Variants in PRKG2 observed in about 807,000 individuals in gnomAD.
The protein encoded by PRKG2 is protein kinase cGMP-dependent 2.
PRKG2 carries 33 observed loss-of-function variants against 97.2 expected under a neutral mutation model. The observed-to-expected ratio is 0.34, with a 90% CI of 0.26 to 0.45. PRKG2 has a LOEUF of 0.45. Ranked by LOEUF, PRKG2 falls within the 20% of genes least tolerant of loss-of-function variation. The pLI is 1.00. For synonymous variants in PRKG2, 330 were observed against 321.8 expected (o/e 1.03, Z -0.27); for missense variants, 638 against 900.0 (o/e 0.71, Z 3.73).
intron 5 of PRKG2, among the ~76,000 whole-genome samples, chr4:81,168,280 T>A (rs1197549126): frequency 6.6e-6 from 1 of 151,992 alleles, no homozygotes; most frequent in African/African-American, 2.4e-5. Context: ...CTGTCTCCCC[T>A]CTCTGAAGGC....
At chr4:81,212,650 G>A (rs1029596017) in intron 1 of PRKG2, among the ~76,000 whole-genome samples, 7 of 152,050 alleles carry the variant, frequency 4.6e-5, no homozygotes, top group Non-Finnish European at 7.4e-5. Context: ...AAGAAATGAG[G>A]GACAAGAAAA....
chr4:81,195,820 C>T (rs887714941), intron 2 of PRKG2, among the ~76,000 whole-genome samples: 5 of 152,146 alleles, frequency 3.3e-5, no homozygotes, highest in African/African-American at 1.2e-4. Context: ...AATAACACTG[C>T]TATAAGCATG....
At chr4:81,186,894 G>A (rs1751931479) in intron 2 of PRKG2, among the ~76,000 whole-genome samples, 1 of 151,862 alleles carries the variant, frequency 6.6e-6, no homozygotes, top group Non-Finnish European at 1.5e-5. Flanking sequence ...ATAAATACCT[G>A]GACACATAAA....
At chr4:81,213,302 A>T (rs571183154) in intron 1 of PRKG2, among the ~76,000 whole-genome samples, 10 of 152,312 alleles carry the variant, frequency 6.6e-5, no homozygotes, top group African/African-American at 2.4e-4. Flanking sequence ...TTACCTATGA[A>T]CATATAGGTA....
intron 1 of PRKG2, among the ~76,000 whole-genome samples, chr4:81,208,712 C>T (rs533719337): frequency 6.6e-6 from 1 of 152,130 alleles, no homozygotes; most frequent in Non-Finnish European, 1.5e-5. Context: ...TAAAGATGCA[C>T]ATTATTCCTT....
At chr4:81,116,030 T>C (rs1368234235) in intron 14 of PRKG2, among the ~76,000 whole-genome samples, 1 of 152,048 alleles carries the variant, frequency 6.6e-6, no homozygotes, top group African/African-American at 2.4e-5. Flanking sequence ...TATTTGAATC[T>C]TTTTTTTAAC....
At chr4:81,101,330 T>C (rs1742741211) in intron 17 of PRKG2, among the ~76,000 whole-genome samples, 1 of 152,094 alleles carries the variant, frequency 6.6e-6, no homozygotes, top group Non-Finnish European at 1.5e-5. Flanking sequence ...TGTCCAACAA[T>C]GATAGACTGG....
At chr4:81,092,915 C>T (rs1181963777) in intron 17 of PRKG2, among the ~76,000 whole-genome samples, 3 of 152,150 alleles carry the variant, frequency 2.0e-5, no homozygotes, top group African/African-American at 7.2e-5. Flanking sequence ...CTTCACTCTA[C>T]TAGCAAGGAA....
At chr4:81,108,951 T>C (rs990762982) in intron 15 of PRKG2, among the ~76,000 whole-genome samples, 25 of 152,174 alleles carry the variant, frequency 1.6e-4, no homozygotes, top group Non-Finnish European at 5.9e-5. Context: ...CCTTCTAATA[T>C]GTTATTCCAG....
chr4:81,192,906 T>C (rs750889342), intron 2 of PRKG2, among the ~76,000 whole-genome samples: 2 of 152,180 alleles, frequency 1.3e-5, no homozygotes, highest in Non-Finnish European at 2.9e-5. Flanking sequence ...CTTGAAGCAA[T>C]AAATTTTCAT....
intron 6 of PRKG2, among the ~76,000 whole-genome samples, chr4:81,159,117 A>C (rs1749379671): frequency 6.6e-6 from 1 of 152,236 alleles, no homozygotes; most frequent in South Asian, 2.1e-4. Flanking sequence ...AATGGGATCT[A>C]ATTCAACTAA....
chr4:81,163,693 G>T (rs990381014), intron 6 of PRKG2, among the ~76,000 whole-genome samples: 2 of 151,906 alleles, frequency 1.3e-5, no homozygotes, highest in East Asian at 3.9e-4. Flanking sequence ...AAAACCAGAA[G>T]GAAATTCCAA....
chr4:81,102,907 A>C (rs1240763798), intron 17 of PRKG2, among the ~76,000 whole-genome samples: 1 of 152,154 alleles, frequency 6.6e-6, no homozygotes, highest in Non-Finnish European at 1.5e-5. Context: ...CAGTGAAAAG[A>C]TCTATAAAGG....
intron 6 of PRKG2, among the ~76,000 whole-genome samples, chr4:81,160,081 C>T (rs1017534610): frequency 2.0e-5 from 3 of 151,700 alleles, no homozygotes; most frequent in Non-Finnish European, 4.4e-5. Context: ...GCACATTGTG[C>T]ACATGTACCC....
intron 7 of PRKG2, among the ~76,000 whole-genome samples, chr4:81,152,659 A>G (rs187975539): frequency 3.9e-5 from 6 of 152,366 alleles, no homozygotes; most frequent in Admixed American, 2.0e-4. Context: ...CCAATTCAAC[A>G]TGGTAACAAG....
chr4:81,092,485 G>GAAGGAAGC (rs1741665132), intron 17 of PRKG2, 33 bp from the exon 18 acceptor site: 1 of 960,704 alleles, frequency 1.0e-6, no homozygotes, highest in Non-Finnish European at 1.6e-6. Context: ...AGGAAGGAAG[G>GAAGGAAGC]AAGGAAGGAA....
At chr4:81,101,858 T>G (rs1742832877) in intron 17 of PRKG2, among the ~76,000 whole-genome samples, 1 of 152,162 alleles carries the variant, frequency 6.6e-6, no homozygotes, top group Non-Finnish European at 1.5e-5. Context: ...CTTTTTTGTT[T>G]GTTTGTTTGT....
intron 14 of PRKG2, among the ~76,000 whole-genome samples, chr4:81,114,813 G>A (rs1197486656): frequency 6.6e-5 from 10 of 151,628 alleles, no homozygotes; most frequent in South Asian, 4.2e-4. Context: ...TGTGTTCACC[G>A]TTTGCTTGCA....
intron 14 of PRKG2, among the ~76,000 whole-genome samples, chr4:81,134,576 T>G (rs1746485844): frequency 6.6e-6 from 1 of 152,124 alleles, no homozygotes; most frequent in Non-Finnish European, 1.5e-5. Context: ...ATAGTAATTT[T>G]TTCTTTAGTG....
Sources: allele counts gnomAD v4.1 joint callset (sites outside exome capture counted in the v4.1 genomes callset), GRCh38; gene constraint gnomAD v4.1.1; transcripts MANE v1.5; gene names NCBI Gene and HGNC (gene_info 2026-07-23, HGNC 2026-07-21).